Variants in DPP8 observed in about 807,000 individuals in gnomAD.
DPP8 encodes the protein DPP VIII.
In DPP8, 31 loss-of-function variants were observed where a neutral mutation model predicts 107.5. The observed-to-expected ratio is 0.29, with a 90% CI of 0.22 to 0.39. DPP8 has a LOEUF of 0.39. Ranked by LOEUF, DPP8 falls within the 10% of genes least tolerant of loss-of-function variation. DPP8 has a pLI of 1.00. For synonymous variants in DPP8, 381 were observed against 356.6 expected (o/e 1.07, Z -0.77); for missense variants, 842 against 1,076.1 (o/e 0.78, Z 3.04).
chr15:65,483,741 G>A (rs2067152075), intron 8 of DPP8, among the ~76,000 whole-genome samples: 1 of 152,022 alleles, frequency 6.6e-6, no homozygotes. Context: ...ATACTCCAGA[G>A]AAATGAAAAC....
Position 65,494,103 on chromosome 15 carries a change from C to T in DPP8, c.715+3761G>A, listed in dbSNP as rs909990015. On this transcript the variant is annotated intron_variant, in intron 5 of 19. Coordinates refer to ENST00000300141, the MANE Select transcript of DPP8 (RefSeq NM_130434.5). ...TGGTTAAATAACCTGCTCAAGGCCA[C>T]ACAGTTAATAAATGGTAGACTTGAA... 1.4e-4 allele frequency among the ~76,000 whole-genome samples: 21 copies of T among 148,446 alleles called. 2 individuals carry two copies. Among genetic ancestry groups the T allele is most frequent in the African/African-American group, 5.0e-4 (20 of 40,108 alleles).
At chr15:65,499,648 T>C (rs1055836839) in intron 4 of DPP8, among the ~76,000 whole-genome samples, 1 of 152,158 alleles carries the variant, frequency 6.6e-6, no homozygotes, top group Non-Finnish European at 1.5e-5. Flanking sequence ...CACTACAACC[T>C]CCGCCTCCCA....
At chr15:65,456,702 T>C (rs2064450673) in intron 15 of DPP8, among the ~76,000 whole-genome samples, 1 of 152,152 alleles carries the variant, frequency 6.6e-6, no homozygotes, top group Non-Finnish European at 1.5e-5. Flanking sequence ...GAATGACAGT[T>C]ACAAGGACAA....
intron 16 of DPP8, chr15:65,455,717 A>G (rs1039132608): frequency 4.0e-6 from 5 of 1,247,914 alleles, no homozygotes; most frequent in Non-Finnish European, 5.1e-6. Context: ...CTTACTCAGC[A>G]TGTCCAATAA....
intron 12 of DPP8, among the ~76,000 whole-genome samples, chr15:65,469,003 T>A (rs567393538): frequency 1.3e-5 from 2 of 152,236 alleles, no homozygotes; most frequent in South Asian, 4.1e-4. Flanking sequence ...GAGACCGAGT[T>A]TCGCTCTCGT....
intron 5 of DPP8, among the ~76,000 whole-genome samples, chr15:65,492,024 G>A (rs1596043311): frequency 7.0e-6 from 1 of 142,580 alleles, no homozygotes; most frequent in African/African-American, 2.5e-5. Flanking sequence ...GAGCCACCAC[G>A]CCCGGCCACA....
In DPP8 at chr15:65,481,549, T is replaced by C; in HGVS notation, c.1084A>G (p.Ile362Val). ...FEILFEGVEY[I>V]ARAGWTPEGK... ...TCAGGAGTCCATCCAGCTCTGGCAA[T>C]ATATTCAACTCCTTCAAATAGAATC... The change falls in exon 9 of 20, where the codon ATT becomes GTT. Residue 362 changes from isoleucine (I) to valine (V), a missense_variant. Ile to Val is a conservative substitution (Grantham distance 29). Around this residue, in one of 2 missense-constraint regions of DPP8, gnomAD observed 663 missense variants for 758.0 expected, o/e 0.87. Coordinates refer to ENST00000300141, the MANE Select transcript of DPP8 (RefSeq NM_130434.5). 6.3e-7 allele frequency: 1 copy of C among 1,594,306 alleles called. No homozygotes were observed. The highest frequency in any genetic ancestry group is 8.5e-7 in the Non-Finnish European group (1 of 1,171,950).
intron 4 of DPP8, 144 bp downstream of exon 4, chr15:65,500,462 T>C (rs2069099548): frequency 3.2e-6 from 2 of 634,596 alleles, no homozygotes; most frequent in African/African-American, 1.8e-5. Flanking sequence ...CCAATCTCCA[T>C]GTTTCTTGTT....
At chr15:65,515,151 T>A (rs1256309642) in intron 1 of DPP8, among the ~76,000 whole-genome samples, 1 of 152,190 alleles carries the variant, frequency 6.6e-6, no homozygotes, top group Non-Finnish European at 1.5e-5. Flanking sequence ...GCTAATTTTT[T>A]AAAACTTTTT....
chr15:65,452,399 T>C (rs2064049295), intron 17 of DPP8, among the ~76,000 whole-genome samples: 1 of 151,856 alleles, frequency 6.6e-6, no homozygotes, highest in Non-Finnish European at 1.5e-5. Flanking sequence ...TATATCCTGC[T>C]ACTGAGGAAA....
chr15:65,511,738 A>G (rs994319061), intron 2 of DPP8, among the ~76,000 whole-genome samples: 3 of 222 alleles, frequency 0.014, no homozygotes, highest in Non-Finnish European at 0.038. Flanking sequence ...ACACACACAC[A>G]AATAAATAAA....
intron 5 of DPP8, among the ~76,000 whole-genome samples, chr15:65,497,339 C>A (rs1343124218): frequency 6.6e-6 from 1 of 152,178 alleles, no homozygotes; most frequent in Non-Finnish European, 1.5e-5. Context: ...CTCACCATAG[C>A]CTTGACCTCC....
At chr15:65,473,676 G>A (rs986851511) in intron 12 of DPP8, among the ~76,000 whole-genome samples, 4 of 152,038 alleles carry the variant, frequency 2.6e-5, no homozygotes, top group South Asian at 2.1e-4. Flanking sequence ...TCACAAAAAA[G>A]AAAAGAAAAT....
intron 16 of DPP8, chr15:65,455,713 C>T (rs1330451908): frequency 3.2e-6 from 4 of 1,243,282 alleles, no homozygotes; most frequent in Non-Finnish European, 4.1e-6. Context: ...ATGTCTTACT[C>T]AGCATGTCCA....
chr15:65,452,983 A>G (rs2064105912), intron 17 of DPP8, among the ~76,000 whole-genome samples: 1 of 152,190 alleles, frequency 6.6e-6, no homozygotes, highest in Non-Finnish European at 1.5e-5. Context: ...AAATAAAATA[A>G]AATAAAATTT....
At chr15:65,447,712 G>A (rs1169632077) in intron 19 of DPP8, among the ~76,000 whole-genome samples, 1 of 152,090 alleles carries the variant, frequency 6.6e-6, no homozygotes, top group Non-Finnish European at 1.5e-5. Context: ...GTTATTTAGG[G>A]TATCCAGTAA....
At chr15:65,477,909 T>C (rs1409720013) in intron 11 of DPP8, among the ~76,000 whole-genome samples, 1 of 152,170 alleles carries the variant, frequency 6.6e-6, no homozygotes, top group East Asian at 1.9e-4. Flanking sequence ...ACATAACTTA[T>C]CATAAAGTGC....
chr15:65,481,855 G>T (rs1402838347), intron 8 of DPP8, among the ~76,000 whole-genome samples: 1 of 151,996 alleles, frequency 6.6e-6, no homozygotes, highest in Non-Finnish European at 1.5e-5. Flanking sequence ...CTATTTCTTT[G>T]AGTTGATACT....
chr15:65,469,530 G>A (rs935580540), intron 12 of DPP8, among the ~76,000 whole-genome samples: 1 of 151,186 alleles, frequency 6.6e-6, no homozygotes, highest in African/African-American at 2.4e-5. Context: ...GCATGCACCT[G>A]TAATCCCAGC....
Sources: gnomAD v4.1 joint callset for allele counts (sites outside exome capture counted in the v4.1 genomes callset) on GRCh38, gnomAD v4.1.1 for gene constraint, gnomAD v4.1.1 regional missense constraint, MANE v1.5 for transcripts, NCBI Gene and HGNC (gene_info 2026-07-23, HGNC 2026-07-21) for gene names.